RIGI: variants seen among roughly 807,000 people sequenced by gnomAD.
RIGI encodes the protein antiviral innate immune response receptor RIG-I.
chr9:32,480,969 C>T, the RIGI span, among the ~76,000 whole-genome samples: 2 of 152,342 alleles, frequency 1.3e-5, no homozygotes, highest in South Asian at 4.1e-4. Flanking sequence ...ATGTGTGCTT[C>T]AGGACATAGC....
chr9:32,489,278 G>T, the RIGI span: 2 of 1,134,114 alleles, frequency 1.8e-6, no homozygotes, highest in Non-Finnish European at 2.6e-6. Flanking sequence ...TTCTGTCCCA[G>T]TATTCAACAA....
At chr9:32,525,069 T>G in the RIGI span, among the ~76,000 whole-genome samples, 2 of 152,254 alleles carry the variant, frequency 1.3e-5, no homozygotes, top group African/African-American at 4.8e-5. Context: ...TAGCACCTAT[T>G]GTTCAAAGAA....
the RIGI span, among the ~76,000 whole-genome samples, chr9:32,475,304 G>T: frequency 2.0e-5 from 3 of 151,962 alleles, no homozygotes; most frequent in Admixed American, 2.0e-4. Flanking sequence ...TCATAGATGT[G>T]GACCAGCTGC....
chr9:32,460,428 T>C, the RIGI span, among the ~76,000 whole-genome samples: 1 of 151,976 alleles, frequency 6.6e-6, no homozygotes, highest in African/African-American at 2.4e-5. Context: ...CTTAGAACCA[T>C]GGACATGATA....
At chr9:32,482,187 T>G in the RIGI span, among the ~76,000 whole-genome samples, 20 of 145,054 alleles carry the variant, frequency 1.4e-4, no homozygotes, top group South Asian at 1.1e-3. Flanking sequence ...GTGTGTTTGT[T>G]TGTGTGTGTG....
the RIGI span, among the ~76,000 whole-genome samples, chr9:32,478,841 T>C: frequency 1.2e-4 from 18 of 152,210 alleles, no homozygotes; most frequent in South Asian, 4.1e-4. Context: ...GTGACAAGTG[T>C]GAGCCACCAT....
the RIGI span, chr9:32,480,266 G>A: frequency 3.7e-6 from 6 of 1,611,492 alleles, no homozygotes; most frequent in Non-Finnish European, 3.4e-6. Flanking sequence ...GAATCCTGCT[G>A]CTCGGACATT....
chr9:32,487,505 C>G, the RIGI span: 1 of 1,614,164 alleles, frequency 6.2e-7, no homozygotes, highest in Admixed American at 1.7e-5. Context: ...GCTCCAGTTC[C>G]TCCAGATTGT....
the RIGI span, among the ~76,000 whole-genome samples, chr9:32,483,340 AAAG>A: frequency 1.3e-5 from 2 of 152,308 alleles, no homozygotes; most frequent in South Asian, 2.1e-4. Flanking sequence ...GGCCAGCAGT[AAAG>A]AAGATGAGCC....
the RIGI span, among the ~76,000 whole-genome samples, chr9:32,465,176 G>C: frequency 6.6e-6 from 1 of 152,176 alleles, no homozygotes; most frequent in African/African-American, 2.4e-5. Context: ...GTAAAACTAA[G>C]GGAGGAACTA....
At chr9:32,485,531 C>CTTTTTTTTTTTTTTTT in the RIGI span, 3 of 321,398 alleles carry the variant, frequency 9.3e-6, no homozygotes, top group Non-Finnish European at 1.1e-5. Flanking sequence ...TAACTAGCTT[C>CTTTTTTTTTTTTTTTT]TTTTTTTTTT....
chr9:32,503,993 G>C, the RIGI span, among the ~76,000 whole-genome samples: 1 of 150,672 alleles, frequency 6.6e-6, no homozygotes, highest in South Asian at 2.1e-4. Context: ...CATGAGCCGA[G>C]ATCATGCCAC....
the RIGI span, among the ~76,000 whole-genome samples, chr9:32,487,175 T>C: frequency 2.6e-5 from 4 of 152,366 alleles, no homozygotes; most frequent in South Asian, 6.2e-4. Context: ...CTTGGCTATC[T>C]GATGCCTAAA....
the RIGI span, among the ~76,000 whole-genome samples, chr9:32,494,232 T>C: frequency 1.3e-5 from 2 of 152,170 alleles, no homozygotes; most frequent in African/African-American, 2.4e-5. Context: ...AAGTGACTCA[T>C]AGACTTCACC....
the RIGI span, chr9:32,480,419 C>T: frequency 7.0e-7 from 1 of 1,419,800 alleles, no homozygotes; most frequent in South Asian, 1.6e-5. Flanking sequence ...TATTTAAGTT[C>T]AATTCGTTGT....
At chr9:32,468,337 T>C in the RIGI span, among the ~76,000 whole-genome samples, 3 of 152,184 alleles carry the variant, frequency 2.0e-5, no homozygotes, top group Non-Finnish European at 4.4e-5. Flanking sequence ...TAAAGCCCTA[T>C]AGGTCAAAGG....
chr9:32,503,373 G>A, the RIGI span, among the ~76,000 whole-genome samples: 1 of 152,044 alleles, frequency 6.6e-6, no homozygotes, highest in South Asian at 2.1e-4. Flanking sequence ...TTCCTCAAAA[G>A]CACCAACAAT....
chr9:32,518,615 G>A, the RIGI span, among the ~76,000 whole-genome samples: 6 of 152,174 alleles, frequency 3.9e-5, no homozygotes, highest in Non-Finnish European at 8.8e-5. Context: ...CATAGTTAAA[G>A]CTCTTAGTCT....
chr9:32,524,095 G>A, the RIGI span, among the ~76,000 whole-genome samples: 1 of 151,998 alleles, frequency 6.6e-6, no homozygotes, highest in Non-Finnish European at 1.5e-5. Flanking sequence ...TTGGACTCTA[G>A]TAGACATCCC....
Sources: allele counts gnomAD v4.1 joint callset (sites outside exome capture counted in the v4.1 genomes callset), GRCh38; gene constraint gnomAD v4.1.1; transcripts MANE v1.5; gene names NCBI Gene and HGNC (gene_info 2026-07-23, HGNC 2026-07-21).